The following KTN1 variants were observed in gnomAD, a reference collection of about 807,000 sequenced individuals.
KTN1 encodes the protein kinectin.
A neutral mutation model predicts 222.5 loss-of-function variants in KTN1; 130 were observed. The ratio of observed to expected loss-of-function variants is 0.58; its 90% CI spans 0.51 to 0.68. KTN1 has a LOEUF of 0.68. Among genes scored for constraint, KTN1 ranks in the 30% least tolerant of loss-of-function variants. The probability of loss-of-function intolerance (pLI) is 0.00; values close to 1 mark genes in which losing one functional copy is unlikely to be tolerated. For missense variants in KTN1, 1,508 were observed against 1,500.4 expected (o/e 1.01, Z -0.08); for synonymous variants, 512 against 496.3 (o/e 1.03, Z -0.42).
chr14:55,622,808 T>C (rs1017278649), intron 5 of KTN1, among the ~76,000 whole-genome samples: 1 of 152,232 alleles, frequency 6.6e-6, no homozygotes, highest in South Asian at 2.1e-4. Flanking sequence ...GTTATATTAC[T>C]GCTTTAAAAA....
Position 55,652,976 on chromosome 14 carries a change from A to G in KTN1, c.2694+36A>G, listed in dbSNP as rs191747024. On this transcript the variant is annotated intron_variant, in intron 26 of 43. Coordinates refer to ENST00000395314, the MANE Select transcript of KTN1 (RefSeq NM_001079521.2). Reference sequence around the variant, plus strand: ...AAAAACAATAAAAAATAGCCTTTTTATACTTGACTATCAATTTAATTTACA... The same window carrying G: ...AAAAACAATAAAAAATAGCCTTTTTGTACTTGACTATCAATTTAATTTACA... The G allele has an allele frequency of 5.0e-4, 795 of 1,584,150 alleles. 6 individuals are homozygous for G. The African/African-American group carries it at 9.7e-3, about 19-fold the overall frequency.
intron 33 of KTN1, 95 bp from the exon 34 acceptor site, chr14:55,667,146 C>A: frequency 1.3e-6 from 1 of 762,768 alleles, no homozygotes; most frequent in Non-Finnish European, 2.1e-6. Context: ...CTTTTTCTTC[C>A]CGTAGAATTA....
chr14:55,598,414 G>A (rs1294662074), intron 1 of KTN1, among the ~76,000 whole-genome samples: 3 of 138,358 alleles, frequency 2.2e-5, no homozygotes, highest in African/African-American at 8.2e-5. Context: ...CAGCCTCGGC[G>A]ACAGAGCGAG....
rs570646510 is a variant in KTN1 at position 55,665,900 on chromosome 14, C to T, written c.3178-1341C>T. ...TTGTGGCTCTTGGTTATGTTAGATA[C>T]TTTGTTCTTTTAGTTAGTCTTTTTT... On this transcript the variant is annotated intron_variant, in intron 33 of 43. Transcript: ENST00000395314. Among the ~76,000 whole-genome samples the T allele has an allele frequency of 3.6e-4, 55 of 151,934 alleles. No homozygotes were observed. The South Asian group carries it at 0.011, about 31-fold the overall frequency.
At chr14:55,658,812 A>G (rs1232889126) in intron 30 of KTN1, among the ~76,000 whole-genome samples, 198 bp downstream of exon 30, 2 of 152,180 alleles carry the variant, frequency 1.3e-5, no homozygotes, top group East Asian at 3.8e-4. Flanking sequence ...AGTATACACA[A>G]ATAATATTAT....
intron 18 of KTN1, chr14:55,644,286 G>C (rs1284225999): frequency 3.3e-6 from 2 of 601,028 alleles, no homozygotes; most frequent in African/African-American, 3.7e-5. Context: ...AGTGACAGTT[G>C]AGAGATTGAA....
chr14:55,580,583 C>T (rs1427953050), intron 1 of KTN1, among the ~76,000 whole-genome samples: 2 of 151,556 alleles, frequency 1.3e-5, no homozygotes, highest in South Asian at 2.1e-4. Context: ...GGGACCTCCT[C>T]GGCCTCGCGG....
intron 21 of KTN1, 131 bp downstream of exon 21, chr14:55,649,001 C>G: frequency 4.7e-6 from 3 of 639,550 alleles, no homozygotes; most frequent in Non-Finnish European, 8.3e-6. Context: ...TCATAACTCA[C>G]CGTAACCTCG....
Position 55,672,670 on chromosome 14 carries a change from G to A in KTN1, c.3572G>A (p.Arg1191Gln), listed in dbSNP as rs756191445. ...SFTSSEQELE[R>Q]LRSENKDIEN... ...ACATCTTCAGAACAAGAGCTAGAGC[G>A]ATTAAGAAGCGAAAATAAGGATATT... The change falls in exon 38 of 44, where the codon CGA becomes CAA. Residue 1191 changes from arginine (R) to glutamine (Q), a missense_variant. Coordinates refer to ENST00000395314, the MANE Select transcript of KTN1 (RefSeq NM_001079521.2). 3 of 1,606,224 alleles carry A rather than the reference G, an allele frequency of 1.9e-6. No individual in the cohort carries two copies. Among genetic ancestry groups the A allele is most frequent in the Admixed American group, 3.3e-5 (2 of 59,872 alleles).
intron 5 of KTN1, among the ~76,000 whole-genome samples, chr14:55,620,571 G>C (rs143741409): frequency 1.1e-4 from 17 of 152,318 alleles, no homozygotes; most frequent in African/African-American, 3.8e-4. Flanking sequence ...TGCACCCACA[G>C]GTTCAACACT....
intron 1 of KTN1, among the ~76,000 whole-genome samples, chr14:55,603,335 A>G (rs1307686954): frequency 6.6e-6 from 1 of 152,210 alleles, no homozygotes; most frequent in Non-Finnish European, 1.5e-5. Context: ...TAACTTTTAA[A>G]TTCATTTCAA....
intron 29 of KTN1, among the ~76,000 whole-genome samples, chr14:55,657,075 C>T (rs970397264): frequency 2.0e-5 from 3 of 152,162 alleles, no homozygotes; most frequent in African/African-American, 2.4e-5. Flanking sequence ...TAATCTTGCT[C>T]ACATTACATG....
intron 19 of KTN1, 100 bp downstream of exon 19, chr14:55,647,107 A>G: frequency 1.3e-6 from 1 of 788,196 alleles, no homozygotes; most frequent in Non-Finnish European, 2.1e-6. Context: ...TTGTAATGGA[A>G]GAAATGTAGT....
intron 43 of KTN1, chr14:55,680,951 A>G (rs528118771): frequency 7.5e-4 from 268 of 356,268 alleles, no homozygotes; most frequent in Admixed American, 1.9e-3. Context: ...GCTTCTTCCC[A>G]GGACTTCAGC....
At chr14:55,675,715 G>T in intron 40 of KTN1, 120 bp from the exon 41 acceptor site, 1 of 614,610 alleles carries the variant, frequency 1.6e-6, no homozygotes. Context: ...CAGCATATTG[G>T]CTAATCCACT....
At chr14:55,634,777 T>G (rs146379236) in intron 9 of KTN1, 119 bp downstream of exon 9, 2 of 783,798 alleles carry the variant, frequency 2.6e-6, no homozygotes, top group Non-Finnish European at 3.8e-6. Context: ...AGAGGTTTAA[T>G]TGACTCACGG....
intron 38 of KTN1, 32 bp downstream of exon 38, chr14:55,672,733 A>T (rs78732957): frequency 2.8e-6 from 4 of 1,430,392 alleles, no homozygotes. Flanking sequence ...CTTGTAACCT[A>T]TGGATTTGTT....
chr14:55,644,366 G>A (rs1368331008), intron 18 of KTN1: 6 of 701,700 alleles, frequency 8.6e-6, no homozygotes, highest in East Asian at 5.4e-5. Context: ...AAGATTGAGC[G>A]TATAAAAGCA....
At chr14:55,600,392 C>T (rs976901847) in intron 1 of KTN1, among the ~76,000 whole-genome samples, 6 of 151,824 alleles carry the variant, frequency 4.0e-5, no homozygotes, top group Non-Finnish European at 8.8e-5. Context: ...TTAAGACTAC[C>T]CTGTGGTAGT....
Sources: gnomAD v4.1 joint callset for allele counts (sites outside exome capture counted in the v4.1 genomes callset) on GRCh38, gnomAD v4.1.1 for gene constraint, MANE v1.5 for transcripts, NCBI Gene and HGNC (gene_info 2026-07-23, HGNC 2026-07-21) for gene names.